Variants in BABAM2 observed in about 807,000 individuals in gnomAD.
The protein encoded by BABAM2 is BRISC and BRCA1-A complex member 2.
Under a neutral mutation model 54.7 loss-of-function variants are expected in BABAM2, and 31 were observed. The observed-to-expected ratio is 0.57, with a 90% CI of 0.43 to 0.77. The LOEUF is 0.77. Ranked by LOEUF, BABAM2 falls within the 30% of genes least tolerant of loss-of-function variation. The pLI is 0.00. For missense variants in BABAM2, 364 were observed against 455.8 expected (o/e 0.80, Z 1.83); for synonymous variants, 167 against 162.9 (o/e 1.03, Z -0.19).
At chr2:28,048,564 C>T (rs1163233640) in intron 6 of BABAM2, among the ~76,000 whole-genome samples, 1 of 152,094 alleles carries the variant, frequency 6.6e-6, no homozygotes. Flanking sequence ...TCATGTAGAC[C>T]AGATGAGAAA....
At chr2:28,117,119 C>T (rs1167160471) in intron 6 of BABAM2, among the ~76,000 whole-genome samples, 1 of 152,134 alleles carries the variant, frequency 6.6e-6, no homozygotes, top group East Asian at 1.9e-4. Flanking sequence ...TGAGAGGCAG[C>T]AAGTCCAGAG....
At chr2:28,122,164 C>T (rs965105676) in intron 6 of BABAM2, among the ~76,000 whole-genome samples, 1 of 151,850 alleles carries the variant, frequency 6.6e-6, no homozygotes, top group Non-Finnish European at 1.5e-5. Context: ...TGCAGTGAGC[C>T]GAGATTGCAC....
chr2:27,939,700 A>T (rs995495966), intron 3 of BABAM2, among the ~76,000 whole-genome samples: 1 of 152,258 alleles, frequency 6.6e-6, no homozygotes, highest in Non-Finnish European at 1.5e-5. Flanking sequence ...TGCCCTCTGC[A>T]AGCAGATTAA....
At chr2:28,252,819 CA>C (rs1683622224) in intron 10 of BABAM2, among the ~76,000 whole-genome samples, 1 of 152,078 alleles carries the variant, frequency 6.6e-6, no homozygotes, top group Non-Finnish European at 1.5e-5. Flanking sequence ...AAGTAATTGC[CA>C]AAGCAAGTGT....
intron 10 of BABAM2, among the ~76,000 whole-genome samples, chr2:28,259,250 G>C (rs1159345174): frequency 6.7e-6 from 1 of 149,314 alleles, no homozygotes; most frequent in African/African-American, 2.5e-5. Flanking sequence ...ACCACACCCA[G>C]CTAATTTTTG....
At chr2:28,309,264 C>T (rs1032402535) in intron 11 of BABAM2, 5 of 152,168 alleles carry the variant, frequency 3.3e-5, no homozygotes, top group African/African-American at 1.2e-4. Flanking sequence ...ATGTGGTCCC[C>T]TCCATTTTCA....
At chr2:28,194,695 G>T (rs989303159) in intron 7 of BABAM2, among the ~76,000 whole-genome samples, 2 of 149,542 alleles carry the variant, frequency 1.3e-5, no homozygotes, top group East Asian at 2.0e-4. Context: ...GATTTAGCTG[G>T]AATTACAGGC....
At chr2:28,013,395 T>C (rs917573221) in intron 4 of BABAM2, 5 of 455,704 alleles carry the variant, frequency 1.1e-5, no homozygotes, top group African/African-American at 6.0e-5. Flanking sequence ...GCCTACTGAA[T>C]GGCATTTTGA....
intron 6 of BABAM2, among the ~76,000 whole-genome samples, chr2:28,062,257 C>CAAAA (rs796458704): frequency 1.5e-5 from 1 of 68,440 alleles, no homozygotes; most frequent in Non-Finnish European, 2.9e-5. Context: ...GAGTCCGTCT[C>CAAAA]AAAAAAAAAA....
chr2:28,259,904 T>C (rs1413617639), intron 10 of BABAM2, among the ~76,000 whole-genome samples: 1 of 81,402 alleles, frequency 1.2e-5, no homozygotes, highest in Non-Finnish European at 3.3e-5. Context: ...ACTTCTGAAT[T>C]CTTTTTTTTT....
At chr2:27,923,440 G>A (rs1166332568) in intron 2 of BABAM2, among the ~76,000 whole-genome samples, 1 of 151,890 alleles carries the variant, frequency 6.6e-6, no homozygotes, top group Non-Finnish European at 1.5e-5. Flanking sequence ...GCAAAGCCCT[G>A]AGACCCTGTC....
intron 1 of BABAM2, among the ~76,000 whole-genome samples, chr2:27,892,719 G>A (rs1444489686): frequency 6.6e-6 from 1 of 152,126 alleles, no homozygotes; most frequent in Non-Finnish European, 1.5e-5. Flanking sequence ...GACGCTCCTT[G>A]TAAGTGATAA....
At chr2:27,942,459 C>T (rs1285498866) in intron 3 of BABAM2, among the ~76,000 whole-genome samples, 1 of 151,988 alleles carries the variant, frequency 6.6e-6, no homozygotes, top group Non-Finnish European at 1.5e-5. Context: ...CTCCCTGGCT[C>T]AAGCAATCCC....
rs1425229643 is a variant in BABAM2 at position 28,298,435 on chromosome 2, A to C, written c.1032A>C (p.Gln344His). The C allele has an allele frequency of 5.6e-6, 9 of 1,614,204 alleles. No individual in the cohort carries two copies. Among genetic ancestry groups the C allele is most frequent in the Non-Finnish European group, 7.6e-6 (9 of 1,180,030 alleles). ...GTGGACAGCTTTACTCCCAGGCCCA[A>C]AAAAATTATCCGTACAGCCCCAGAT... ...TNSGQLYSQA[Q>H]KNYPYSPRWD... The change falls in exon 11 of 12, where the codon CAA (glutamine) becomes CAC (histidine). Residue 344 changes from glutamine to histidine, a missense_variant. Physicochemically the swap from Gln to His is conservative, Grantham distance 24 (BLOSUM62 0). Transcript: ENST00000379624.
chr2:27,890,252 C>A, upstream of BABAM2: 4 of 1,613,402 alleles, frequency 2.5e-6, no homozygotes, highest in Non-Finnish European at 3.4e-6. The surrounding 1 kb of genome is among the most constrained non-coding windows in gnomAD (Gnocchi z 4.8). Context: ...TGGCCCCGGA[C>A]TAACCTGACC....
chr2:27,930,988 G>A (rs998038409), intron 3 of BABAM2, among the ~76,000 whole-genome samples: 3 of 152,192 alleles, frequency 2.0e-5, no homozygotes, highest in Non-Finnish European at 4.4e-5. Context: ...TTGGACCAGT[G>A]TGTTTTACCA....
At chr2:28,006,495 G>A (rs1398551204) in intron 4 of BABAM2, among the ~76,000 whole-genome samples, 1 of 152,034 alleles carries the variant, frequency 6.6e-6, no homozygotes, top group Admixed American at 6.5e-5. Context: ...AGACAAATAA[G>A]TGTATAGCAA....
intron 6 of BABAM2, among the ~76,000 whole-genome samples, chr2:28,123,288 T>TA (rs1429378761): frequency 6.6e-6 from 1 of 152,162 alleles, no homozygotes; most frequent in Non-Finnish European, 1.5e-5. Context: ...GATCCACTGT[T>TA]ACATCTCACC....
chr2:28,191,296 T>C (rs1676882251), intron 7 of BABAM2, among the ~76,000 whole-genome samples: 1 of 152,186 alleles, frequency 6.6e-6, no homozygotes, highest in South Asian at 2.1e-4. Flanking sequence ...TTTATGGAAA[T>C]ATAAAATGAT....
Sources: gnomAD v4.1 joint callset for allele counts (sites outside exome capture counted in the v4.1 genomes callset) on GRCh38, gnomAD v4.1.1 for gene constraint, Gnocchi (gnomAD v3.1) non-coding constraint, MANE v1.5 for transcripts, NCBI Gene and HGNC (gene_info 2026-07-23, HGNC 2026-07-21) for gene names.